The following SPPL3 variants were observed in gnomAD, a reference collection of about 807,000 sequenced individuals.
SPPL3 encodes the protein signal peptide peptidase like 3, also known as signal peptide peptidase-like 3.
SPPL3 carries 5 observed loss-of-function variants against 42.4 expected under a neutral mutation model. The ratio of observed to expected loss-of-function variants is 0.12; its 90% CI spans 0.06 to 0.25. The LOEUF is 0.25. Ranked by LOEUF, SPPL3 falls within the 10% of genes least tolerant of loss-of-function variation. The probability of loss-of-function intolerance (pLI) is 1.00; values close to 1 mark genes in which losing one functional copy is unlikely to be tolerated. For missense variants in SPPL3, 235 were observed against 489.0 expected, an observed-to-expected ratio of 0.48 and a Z score of 4.90; for synonymous variants, 195 against 181.8, an observed-to-expected ratio of 1.07 and a Z score of -0.58.
intron 1 of SPPL3, among the ~76,000 whole-genome samples, chr12:120,827,914 A>G (rs1376831295): frequency 1.3e-5 from 2 of 151,988 alleles, no homozygotes; most frequent in African/African-American, 2.4e-5. Flanking sequence ...CAGCCTCCCG[A>G]GGAGCTGGGA....
In SPPL3 at chr12:120,887,422, C is replaced by A. The variant is rs186900651; in HGVS notation, c.23+16423G>T. ...CTGGCAAAGAACTGACACATCAAGG[C>A]ACCCCTCACCGCCACTTCCACCCAC... On this transcript the variant is annotated intron_variant, in intron 1 of 10. Coordinates refer to ENST00000353487, the MANE Select transcript of SPPL3 (RefSeq NM_139015.5). 4.3e-3 allele frequency among the ~76,000 whole-genome samples: 655 copies of A among 152,202 alleles called. 8 individuals are homozygous for A. Among genetic ancestry groups the A allele is most frequent in the African/African-American group, 0.015 (638 of 41,508 alleles).
intron 1 of SPPL3, among the ~76,000 whole-genome samples, chr12:120,812,515 A>G (rs1870718823): frequency 6.6e-6 from 1 of 152,218 alleles, no homozygotes; most frequent in African/African-American, 2.4e-5. Context: ...AGATGTATAT[A>G]TACTGAGAGC....
chr12:120,850,492 T>TAAAAA (rs11413210), intron 1 of SPPL3, among the ~76,000 whole-genome samples: 2 of 119,390 alleles, frequency 1.7e-5, no homozygotes, highest in African/African-American at 3.0e-5. Flanking sequence ...GACCAGCCTT[T>TAAAAA]AAAAAAAAAA....
At chr12:120,793,286 G>C (rs1383513515) in intron 2 of SPPL3, among the ~76,000 whole-genome samples, 2 of 152,182 alleles carry the variant, frequency 1.3e-5, no homozygotes, top group Non-Finnish European at 2.9e-5. Context: ...GAGGCAAGAG[G>C]CTCACTTGAG....
chr12:120,837,417 C>CA (rs1871658079), intron 1 of SPPL3, among the ~76,000 whole-genome samples: 1 of 152,116 alleles, frequency 6.6e-6, no homozygotes, highest in Non-Finnish European at 1.5e-5. Context: ...ATTGGTGGCA[C>CA]AAAAATAATG....
intron 2 of SPPL3, among the ~76,000 whole-genome samples, chr12:120,793,805 A>G (rs1870004521): frequency 1.3e-5 from 2 of 152,194 alleles, no homozygotes; most frequent in African/African-American, 4.8e-5. Context: ...ATGTATTGAG[A>G]TTTGTTTCAT....
At chr12:120,895,901 GT>G (rs1388133507) in intron 1 of SPPL3, among the ~76,000 whole-genome samples, 4 of 152,168 alleles carry the variant, frequency 2.6e-5, no homozygotes, top group African/African-American at 9.7e-5. Context: ...ACAGAATGAG[GT>G]GCTCATATCT....
intron 2 of SPPL3, among the ~76,000 whole-genome samples, chr12:120,808,091 T>C (rs936807894): frequency 2.4e-4 from 36 of 151,486 alleles, no homozygotes; most frequent in Non-Finnish European, 3.7e-4. Flanking sequence ...CTTTTCTTTT[T>C]TTTTTTTTTT....
At chr12:120,765,179 A>G (rs998446110) in intron 10 of SPPL3, 109 bp from the exon 11 acceptor site, 2 of 981,262 alleles carry the variant, frequency 2.0e-6, no homozygotes, top group Non-Finnish European at 2.9e-6. Context: ...GTCTTCCTAT[A>G]TATTGGCCAG....
At chr12:120,765,178 T>C (rs1189317068) in intron 10 of SPPL3, 108 bp from the exon 11 acceptor site, 2 of 990,116 alleles carry the variant, frequency 2.0e-6, no homozygotes, top group Non-Finnish European at 2.9e-6. Flanking sequence ...AGTCTTCCTA[T>C]ATATTGGCCA....
intron 1 of SPPL3, among the ~76,000 whole-genome samples, chr12:120,902,189 C>A (rs1874003029): frequency 6.6e-6 from 1 of 152,234 alleles, no homozygotes; most frequent in Non-Finnish European, 1.5e-5. Context: ...CTTTTTAGAG[C>A]ACGTGTTCAC....
chr12:120,799,893 C>A (rs1870231072), intron 2 of SPPL3, among the ~76,000 whole-genome samples: 1 of 152,210 alleles, frequency 6.6e-6, no homozygotes, highest in Admixed American at 6.5e-5. Context: ...GCACAGCTGA[C>A]AGCAAACTTA....
intron 1 of SPPL3, among the ~76,000 whole-genome samples, chr12:120,871,684 C>T (rs1271993537): frequency 6.6e-6 from 1 of 151,898 alleles, no homozygotes; most frequent in Non-Finnish European, 1.5e-5. Flanking sequence ...ACCTGCAAGG[C>T]GGAGGTTGCA....
Position 120,903,889 on chromosome 12 carries a change from C to T in SPPL3, c.-22G>A. The T allele has an allele frequency of 2.1e-6, 3 of 1,410,098 alleles. No individual in the cohort carries two copies. Among genetic ancestry groups the T allele is most frequent in the Non-Finnish European group, 2.8e-6 (3 of 1,081,886 alleles). 87.3% of individuals were successfully genotyped at this position (1,410,098 alleles called of 1,614,324 possible). ...CCATGGCGCTGCCTCTCGTGGGCTCCGCTGCAGGCTGTGGCCGGGCCCGGC... is the reference window on the plus strand; with the variant it reads ...CCATGGCGCTGCCTCTCGTGGGCTCTGCTGCAGGCTGTGGCCGGGCCCGGC... On this transcript the variant is annotated 5_prime_UTR_variant, in exon 1 of 11. Transcript: ENST00000353487.
chr12:120,827,307 C>T (rs1871255526), intron 1 of SPPL3, among the ~76,000 whole-genome samples: 1 of 145,798 alleles, frequency 6.9e-6, no homozygotes, highest in African/African-American at 2.5e-5. Context: ...AGAAATATAA[C>T]TGCTGCTATA....
At chr12:120,769,573 T>TG (rs1261839012) in intron 6 of SPPL3, 3 of 154,270 alleles carry the variant, frequency 1.9e-5, no homozygotes, top group African/African-American at 4.8e-5. Context: ...TTTTTGGAGA[T>TG]GGAGTCTCGC....
chr12:120,867,973 C>G (rs1484775491), intron 1 of SPPL3, among the ~76,000 whole-genome samples: 1 of 152,092 alleles, frequency 6.6e-6, no homozygotes, highest in Non-Finnish European at 1.5e-5. Context: ...TCTCGAACTC[C>G]TAACCTCAAG....
intron 1 of SPPL3, among the ~76,000 whole-genome samples, chr12:120,845,856 C>T (rs879155183): frequency 7.2e-6 from 1 of 138,228 alleles, no homozygotes; most frequent in Admixed American, 7.6e-5. Flanking sequence ...GCTTAGAATC[C>T]ATTATCTATC....
intron 1 of SPPL3, among the ~76,000 whole-genome samples, chr12:120,853,451 T>C (rs369656512): frequency 6.6e-6 from 1 of 152,188 alleles, no homozygotes; most frequent in Admixed American, 6.5e-5. Context: ...ATTTTTTCCT[T>C]AGTAACTTCT....
Sources: gnomAD v4.1 joint callset for allele counts (sites outside exome capture counted in the v4.1 genomes callset) on GRCh38, gnomAD v4.1.1 for gene constraint, MANE v1.5 for transcripts, NCBI Gene and HGNC (gene_info 2026-07-23, HGNC 2026-07-21) for gene names.